The following INSL6 variants were observed in gnomAD, a reference collection of about 807,000 sequenced individuals.
INSL6 encodes the protein insulin like 6.
INSL6 carries 16 observed loss-of-function variants against 9.4 expected under a neutral mutation model. The observed-to-expected ratio is 1.70, with a 90% CI of 1.15 to 2.59. The LOEUF is 2.59. INSL6 is among the 30% of genes most tolerant of loss of function. The pLI is 0.00. For synonymous variants in INSL6, 154 were observed against 96.9 expected (o/e 1.59, Z -3.46); for missense variants, 391 against 257.3 (o/e 1.52, Z -3.56).
intron 2 of INSL6, among the ~76,000 whole-genome samples, chr9:5,157,894 C>G (rs1283238977): frequency 1.3e-5 from 2 of 152,000 alleles, no homozygotes; most frequent in Non-Finnish European, 2.9e-5. Flanking sequence ...GTTATGTGAC[C>G]TTTCAGATAG....
At chr9:5,143,893 C>G (rs1326937173) in intron 2 of INSL6, among the ~76,000 whole-genome samples, 1 of 152,072 alleles carries the variant, frequency 6.6e-6, no homozygotes, top group Non-Finnish European at 1.5e-5. Context: ...CTCCTGACCT[C>G]AGGTAATACA....
At chr9:5,052,641 G>A in the INSL6 span, among the ~76,000 whole-genome samples, 1 of 151,984 alleles carries the variant, frequency 6.6e-6, no homozygotes, top group Non-Finnish European at 1.5e-5. Context: ...TTAGCATTCA[G>A]TCCTCATCCC....
the INSL6 span, among the ~76,000 whole-genome samples, chr9:5,025,893 C>A: frequency 6.6e-6 from 1 of 152,212 alleles, no homozygotes; most frequent in African/African-American, 2.4e-5. Context: ...TACATTTTCA[C>A]AAAAATTGTC....
chr9:5,106,258 A>G, the INSL6 span, among the ~76,000 whole-genome samples: 71 of 152,262 alleles, frequency 4.7e-4, no homozygotes, highest in Non-Finnish European at 7.8e-4. Flanking sequence ...GACACTTCTC[A>G]AAAGAAGGCA....
the INSL6 span, among the ~76,000 whole-genome samples, chr9:5,031,876 C>T: frequency 2.0e-5 from 3 of 152,162 alleles, no homozygotes; most frequent in Non-Finnish European, 4.4e-5. Context: ...TGAGGTGTAC[C>T]GGGTTCGTCT....
At chr9:4,998,744 A>C in the INSL6 span, among the ~76,000 whole-genome samples, 1 of 151,560 alleles carries the variant, frequency 6.6e-6, no homozygotes, top group South Asian at 2.1e-4. Context: ...CAAAAAACAA[A>C]AAAAAAAACA....
At chr9:5,032,035 C>A in the INSL6 span, among the ~76,000 whole-genome samples, 1 of 152,178 alleles carries the variant, frequency 6.6e-6, no homozygotes, top group Non-Finnish European at 1.5e-5. Flanking sequence ...ACAGACGGCA[C>A]CTGGAAAATC....
chr9:5,112,432 A>C, the INSL6 span: 2 of 508,506 alleles, frequency 3.9e-6, no homozygotes, highest in Non-Finnish European at 7.2e-6. Context: ...GCGGCTGACC[A>C]CTCAAGAGGA....
At chr9:5,054,087 A>G in the INSL6 span, among the ~76,000 whole-genome samples, 1 of 152,074 alleles carries the variant, frequency 6.6e-6, no homozygotes, top group African/African-American at 2.4e-5. This position sits in a 1 kb window ranked among gnomAD's most constrained non-coding sequence, Gnocchi z 4.9. Context: ...TAACAAAATA[A>G]TATACAGAAG....
the INSL6 span, among the ~76,000 whole-genome samples, chr9:5,008,764 C>T: frequency 2.6e-5 from 4 of 152,104 alleles, no homozygotes; most frequent in Non-Finnish European, 4.4e-5. Context: ...TAACATGAAC[C>T]CAGCATCTTT....
chr9:5,055,533 G>C, the INSL6 span: 5 of 630,022 alleles, frequency 7.9e-6, no homozygotes, highest in Non-Finnish European at 1.3e-5. Flanking sequence ...AGTAAATCAC[G>C]TTTAATGCTT....
At chr9:5,126,164 A>G in intron 3 of INSL6, 2 of 513,152 alleles carry the variant, frequency 3.9e-6, no homozygotes, top group Non-Finnish European at 6.9e-6. Context: ...GAAGTTCCAT[A>G]TTTAACAGCC....
In INSL6 at chr9:5,148,417, G is replaced by A. The variant is rs117898191; in HGVS notation, c.377-14825C>T. ...TCTGCCATGTGAGGGAGAGAGAGGTGACCCCCCTCACCCGGTCGGCTCATG... is the reference window on the plus strand; with the variant it reads ...TCTGCCATGTGAGGGAGAGAGAGGTAACCCCCCTCACCCGGTCGGCTCATG... On this transcript the variant is annotated intron_variant, in intron 2 of 3. Coordinates refer to the INSL6 transcript ENST00000649639. Among the ~76,000 whole-genome samples the A allele has an allele frequency of 1.4e-4, 22 of 152,220 alleles. No individual in the cohort carries two copies. The East Asian group carries it at 4.2e-3, about 29-fold the overall frequency.
At chr9:5,178,812 G>A (rs1490755128) in intron 1 of INSL6, among the ~76,000 whole-genome samples, 1 of 152,100 alleles carries the variant, frequency 6.6e-6, no homozygotes, top group African/African-American at 2.4e-5. Flanking sequence ...CTAGCTGTAG[G>A]CTCAAAATTG....
chr9:5,018,210 T>C, the INSL6 span, among the ~76,000 whole-genome samples: 1 of 152,252 alleles, frequency 6.6e-6, no homozygotes, highest in East Asian at 1.9e-4. Context: ...TTGTGGTTTG[T>C]TGGTTTTCTA....
At chr9:4,996,437 A>G in the INSL6 span, among the ~76,000 whole-genome samples, 1 of 152,154 alleles carries the variant, frequency 6.6e-6, no homozygotes, top group African/African-American at 2.4e-5. Flanking sequence ...AACAAGAGTG[A>G]AACTCTGTCT....
At chr9:5,041,360 A>G in the INSL6 span, 1 of 630,214 alleles carries the variant, frequency 1.6e-6, no homozygotes, top group South Asian at 1.7e-5. Context: ...CTACATGAGC[A>G]TCAACATGCA....
At chr9:5,003,815 A>G in the INSL6 span, among the ~76,000 whole-genome samples, 2 of 151,694 alleles carry the variant, frequency 1.3e-5, no homozygotes, top group East Asian at 3.9e-4. Context: ...ATATTTTACC[A>G]TTAGGTATAT....
Position 5,134,506 on chromosome 9 carries a change from C to G in INSL6, c.377-914G>C, listed in dbSNP as rs551378938. ...AACAGCGGATCTCTCTGCAGAAACC[C>G]TACAAGCCAGAAGAGAGTGGGGGCC... is the stretch of plus-strand genomic sequence containing the variant. On this transcript the variant is annotated intron_variant, in intron 2 of 3. Transcript: ENST00000649639. Among the ~76,000 whole-genome samples, 7 of 152,330 alleles carry G rather than the reference C, an allele frequency of 4.6e-5. No individual in the cohort carries two copies. In the East Asian group the frequency reaches 9.6e-4, roughly 21 times the overall value.
Sources: allele counts gnomAD v4.1 joint callset (sites outside exome capture counted in the v4.1 genomes callset), GRCh38; gene constraint gnomAD v4.1.1; non-coding constraint Gnocchi (gnomAD v3.1); transcripts MANE v1.5; gene names NCBI Gene and HGNC (gene_info 2026-07-23, HGNC 2026-07-21).